DOCK3: variants seen among roughly 807,000 people sequenced by gnomAD.
DOCK3 encodes dedicator of cytokinesis protein 3.
DOCK3 carries 60 observed loss-of-function variants against 265.6 expected under a neutral mutation model. The observed-to-expected ratio is 0.23, with a 90% CI of 0.18 to 0.28. The LOEUF (loss-of-function observed/expected upper bound fraction) is 0.28, where lower values mean the gene tolerates loss of function less well. DOCK3 is among the 10% of genes least tolerant of loss of function. DOCK3 has a pLI of 1.00. For missense variants in DOCK3, 1,981 were observed against 2,594.3 expected (o/e 0.76, Z 5.14); for synonymous variants, 881 against 938.0 (o/e 0.94, Z 1.11).
intron 2 of DOCK3, chr3:50,787,829 C>T: frequency 8.9e-7 from 1 of 1,119,786 alleles, no homozygotes. Context: ...TCTTCCTCCT[C>T]ATTGTTTAAG....
At position 51,374,850 on chromosome 3, in the gene DOCK3, G is replaced by T. The variant is rs563597846; in HGVS notation, c.5412+263G>T. On this transcript the variant is annotated intron_variant, in intron 50 of 52. Transcript: ENST00000266037. This position sits in a 1 kb window ranked among gnomAD's most constrained non-coding sequence, Gnocchi z 4.8. ...GCTCATGTAGCTATCTGTCCTTCCC[G>T]CCAGATCCTGGACTCGTCATCCCTA... Among the ~76,000 whole-genome samples the T allele has an allele frequency of 6.6e-6, 1 of 152,184 alleles. No homozygotes were observed. Among genetic ancestry groups the T allele is most frequent in the African/African-American group, 2.4e-5 (1 of 41,448 alleles).
At chr3:50,793,358 C>CTTTT in intron 2 of DOCK3, among the ~76,000 whole-genome samples, 1 of 130,798 alleles carries the variant, frequency 7.6e-6, no homozygotes, top group Non-Finnish European at 1.6e-5. Flanking sequence ...TTTTCTTTTT[C>CTTTT]TTTTTTTTTT....
chr3:51,063,495 A>G (rs1011003983), intron 5 of DOCK3, among the ~76,000 whole-genome samples: 1 of 152,214 alleles, frequency 6.6e-6, no homozygotes, highest in African/African-American at 2.4e-5. Flanking sequence ...AATTTTATTT[A>G]TAGCTTCTTT....
At chr3:51,120,290 G>C (rs1302676568) in intron 9 of DOCK3, among the ~76,000 whole-genome samples, 1 of 152,192 alleles carries the variant, frequency 6.6e-6, no homozygotes, top group Non-Finnish European at 1.5e-5. Context: ...GGTATCACCA[G>C]TGGAGGCTAC....
At chr3:50,704,848 C>A (rs141998109) in intron 1 of DOCK3, among the ~76,000 whole-genome samples, 1 of 152,074 alleles carries the variant, frequency 6.6e-6, no homozygotes, top group African/African-American at 2.4e-5. Flanking sequence ...AGGCTGGTCT[C>A]GAACTCCTGA....
chr3:51,195,210 A>G (rs2088207717), intron 12 of DOCK3, among the ~76,000 whole-genome samples: 1 of 152,084 alleles, frequency 6.6e-6, no homozygotes, highest in African/African-American at 2.4e-5. Flanking sequence ...TGGAAAATTT[A>G]ATCTATTTTT....
chr3:50,747,873 A>G (rs1477618742), intron 1 of DOCK3, among the ~76,000 whole-genome samples: 17 of 147,152 alleles, frequency 1.2e-4, no homozygotes, highest in Middle Eastern at 3.5e-3. Context: ...GAAAAAAAAA[A>G]GGGGGGGGGT....
intron 12 of DOCK3, among the ~76,000 whole-genome samples, chr3:51,204,677 A>G (rs1307497393): frequency 6.8e-6 from 1 of 146,856 alleles, no homozygotes; most frequent in Non-Finnish European, 1.5e-5. Context: ...TATATACCCA[A>G]AGGACTATAA....
chr3:50,985,617 C>G (rs574638770), intron 5 of DOCK3, among the ~76,000 whole-genome samples: 1 of 152,102 alleles, frequency 6.6e-6, no homozygotes, highest in South Asian at 2.1e-4. Context: ...AAAATGACAA[C>G]TCTGCTTCTG....
intron 9 of DOCK3, among the ~76,000 whole-genome samples, chr3:51,095,057 CTA>C (rs747561450): frequency 4.0e-5 from 6 of 150,700 alleles, no homozygotes; most frequent in Non-Finnish European, 7.4e-5. Flanking sequence ...TCTTTTGAGC[CTA>C]TGTGTGTCTT....
chr3:51,133,581 G>T (rs529817085), intron 9 of DOCK3, among the ~76,000 whole-genome samples: 2 of 152,078 alleles, frequency 1.3e-5, no homozygotes, highest in South Asian at 2.1e-4. Context: ...CATTTGGGTT[G>T]GTTCCAAGTC....
intron 4 of DOCK3, among the ~76,000 whole-genome samples, chr3:50,924,405 G>A (rs141636106): frequency 5.9e-5 from 9 of 152,318 alleles, no homozygotes; most frequent in African/African-American, 1.4e-4. Flanking sequence ...GGATGATGAA[G>A]TAATTAGTAA....
chr3:51,346,660 G>T (rs1238329758), intron 38 of DOCK3, among the ~76,000 whole-genome samples: 1 of 152,196 alleles, frequency 6.6e-6, no homozygotes, highest in Non-Finnish European at 1.5e-5. Flanking sequence ...ACCCAGTAAT[G>T]AGATCGCTGG....
intron 9 of DOCK3, among the ~76,000 whole-genome samples, chr3:51,141,192 CTTTTT>C: frequency 6.9e-6 from 1 of 144,326 alleles, no homozygotes. Flanking sequence ...TATTTTCTTT[CTTTTT>C]TTTTTTTTTA....
At chr3:50,970,948 A>AACG (rs1491447563) in intron 5 of DOCK3, among the ~76,000 whole-genome samples, 1 of 51,762 alleles carries the variant, frequency 1.9e-5, no homozygotes, top group African/African-American at 8.7e-5. Flanking sequence ...TATATATATA[A>AACG]TGTGTGTGTG....
At chr3:51,276,035 A>G (rs564171522) in intron 25 of DOCK3, among the ~76,000 whole-genome samples, 1 of 152,354 alleles carries the variant, frequency 6.6e-6, no homozygotes, top group East Asian at 1.9e-4. Context: ...AGAGAATAGA[A>G]TTTCACATGC....
chr3:50,798,100 T>A (rs964183584), intron 2 of DOCK3, among the ~76,000 whole-genome samples: 8 of 152,164 alleles, frequency 5.3e-5, no homozygotes, highest in African/African-American at 1.9e-4. Flanking sequence ...GCGATAGCTG[T>A]TAGGTAGAAA....
intron 3 of DOCK3, among the ~76,000 whole-genome samples, chr3:50,852,286 G>C (rs189660136): frequency 3.3e-5 from 5 of 152,124 alleles, no homozygotes; most frequent in Non-Finnish European, 5.9e-5. Flanking sequence ...AATGGCTAAG[G>C]CATGCTAAAA....
intron 21 of DOCK3, among the ~76,000 whole-genome samples, chr3:51,239,575 T>TTTTTTTTTTTTTTTTTTTTTTTTTTG (rs2078513630): frequency 6.8e-6 from 1 of 146,772 alleles, no homozygotes. Flanking sequence ...TGTTTGTTTG[T>TTTTTTTTTTTTTTTTTTTTTTTTTTG]TTTTTGTTTT....
Sources: allele counts gnomAD v4.1 joint callset (sites outside exome capture counted in the v4.1 genomes callset), GRCh38; gene constraint gnomAD v4.1.1; non-coding constraint Gnocchi (gnomAD v3.1); transcripts MANE v1.5; gene names NCBI Gene and HGNC (gene_info 2026-07-23, HGNC 2026-07-21).